The following MPPED1 variants were observed in gnomAD, a reference collection of about 807,000 sequenced individuals.
The protein encoded by MPPED1 is metallophosphoesterase domain-containing protein 1.
Under a neutral mutation model 36.2 loss-of-function variants are expected in MPPED1, and 16 were observed. The ratio of observed to expected loss-of-function variants is 0.44; its 90% CI spans 0.30 to 0.67. The LOEUF (loss-of-function observed/expected upper bound fraction) is 0.67. Among genes scored for constraint, MPPED1 ranks in the 30% least tolerant of loss-of-function variants. MPPED1 has a pLI of 0.10. For synonymous variants in MPPED1, 199 were observed against 191.3 expected, an observed-to-expected ratio of 1.04 and a Z score of -0.33; for missense variants, 307 against 453.4, an observed-to-expected ratio of 0.68 and a Z score of 2.93.
In MPPED1 at chr22:43,424,898, G is replaced by T. The variant is rs1233089715; in HGVS notation, c.-78-10G>T. 1.3e-6 allele frequency: 2 copies of T among 1,525,560 alleles called. No individual in the cohort carries two copies. Among genetic ancestry groups the T allele is most frequent in the Admixed American group, 2.0e-5 (1 of 50,142 alleles). 94.5% of individuals were successfully genotyped at this position (1,525,560 alleles called of 1,614,324 possible). ...ATTAACTGTCGCACGGTTCTGCTCC[G>T]TCTCCTCAGTCTGTTTCCAGGTCTG... On this transcript the variant is annotated splice_polypyrimidine_tract_variant and intron_variant, in intron 1 of 6. Transcript: ENST00000443721.
At chr22:43,446,382 A>T (rs200487467) in intron 3 of MPPED1, among the ~76,000 whole-genome samples, 1 of 152,108 alleles carries the variant, frequency 6.6e-6, no homozygotes, top group East Asian at 1.9e-4. Context: ...CTGTGGATAA[A>T]CAGCTGTCAT....
intron 3 of MPPED1, among the ~76,000 whole-genome samples, chr22:43,470,960 G>A (rs1305587207): frequency 2.6e-5 from 4 of 152,208 alleles, no homozygotes; most frequent in Admixed American, 1.3e-4. Context: ...TGTCACCCCA[G>A]CAGGTGGTGG....
chr22:43,481,246 G>T (rs1931739711), intron 4 of MPPED1, among the ~76,000 whole-genome samples: 1 of 152,082 alleles, frequency 6.6e-6, no homozygotes, highest in Non-Finnish European at 1.5e-5. Flanking sequence ...TTTCCACATG[G>T]ACACCCTCCT....
At chr22:43,453,201 C>T (rs1258967323) in intron 3 of MPPED1, among the ~76,000 whole-genome samples, 8 of 152,152 alleles carry the variant, frequency 5.3e-5, no homozygotes, top group African/African-American at 2.4e-5. Flanking sequence ...CTGCCCACTT[C>T]GGCCTCCCAA....
At chr22:43,481,682 C>A (rs1395713587) in intron 4 of MPPED1, among the ~76,000 whole-genome samples, 1 of 152,268 alleles carries the variant, frequency 6.6e-6, no homozygotes, top group South Asian at 2.1e-4. Context: ...CCTTCTTCCT[C>A]TTCCGTGCTG....
intron 4 of MPPED1, among the ~76,000 whole-genome samples, chr22:43,495,848 A>G (rs1206940424): frequency 0.099 from 225 of 2,268 alleles, no homozygotes; most frequent in East Asian, 0.18. Flanking sequence ...GGTGGTGGAG[A>G]TGGTGGTGGT....
chr22:43,460,325 G>T (rs1930914085), intron 3 of MPPED1, among the ~76,000 whole-genome samples: 1 of 122,814 alleles, frequency 8.1e-6, no homozygotes, highest in African/African-American at 3.0e-5. Flanking sequence ...TTATTTGTTT[G>T]TTTGTTGTTG....
chr22:43,445,152 C>T (rs1466870731), intron 3 of MPPED1, among the ~76,000 whole-genome samples: 1 of 152,214 alleles, frequency 6.6e-6, no homozygotes, highest in African/African-American at 2.4e-5. Flanking sequence ...TCTCATTCCA[C>T]TGGGAGTAAC....
At chr22:43,426,516 A>G (rs1210532254) in intron 2 of MPPED1, among the ~76,000 whole-genome samples, 3 of 152,118 alleles carry the variant, frequency 2.0e-5, no homozygotes, top group Non-Finnish European at 4.4e-5. Flanking sequence ...TGTGATCTCC[A>G]TCTTAGGGCA....
intron 2 of MPPED1, among the ~76,000 whole-genome samples, chr22:43,431,020 AATTT>A (rs1929660946): frequency 5.4e-5 from 3 of 55,764 alleles, no homozygotes; most frequent in African/African-American, 5.0e-5. Context: ...TGTTGTTGTT[AATTT>A]TTTTTTTTTT....
chr22:43,497,929 G>GTGTATATATATATATATA lies in MPPED1; in HGVS notation c.633-305_633-304insGTATATATATATATATAT, dbSNP rs1555904565. On this transcript the variant is annotated intron_variant, in intron 4 of 6. Transcript: ENST00000443721. ...CTTAGGAAGAAGCTGATATATATAT[G>GTGTATATATATATATATA]TATATGTATATATATATATGTATTT... is the stretch of plus-strand genomic sequence containing the variant. Among the ~76,000 whole-genome samples the GTGTATATATATATATATA allele has an allele frequency of 2.8e-3, 134 of 48,704 alleles. 6 individuals carry two copies. The highest frequency in any genetic ancestry group is 7.5e-3 in the African/African-American group (118 of 15,826). The allele number at this position is 48,704 out of a possible 152,430, so 32.0% of individuals were successfully genotyped here.
In MPPED1 at chr22:43,446,108, C is replaced by T. The variant is rs143688105; in HGVS notation, c.406+10893C>T. Among the ~76,000 whole-genome samples the T allele has an allele frequency of 4.7e-3, 713 of 152,128 alleles. 7 individuals carry two copies. Among genetic ancestry groups the T allele is most frequent in the Middle Eastern group, 0.01 (3 of 294 alleles). ...CTGGTCTCGAACTCCTGGGCTCAAGCGATCTGCCTGCCTTGGCCTCCCAAA... is the reference window on the plus strand; with the variant it reads ...CTGGTCTCGAACTCCTGGGCTCAAGTGATCTGCCTGCCTTGGCCTCCCAAA... On this transcript the variant is annotated intron_variant, in intron 3 of 6. Transcript: ENST00000443721.
intron 2 of MPPED1, among the ~76,000 whole-genome samples, chr22:43,427,008 T>G (rs4822289): frequency 0.39 from 58,859 of 152,060 alleles, 11,793 homozygotes; most frequent in Non-Finnish European, 0.44. Flanking sequence ...GCTGGTGAGG[T>G]TCATCCTCCA....
intron 2 of MPPED1, among the ~76,000 whole-genome samples, chr22:43,428,272 C>T (rs750733615): frequency 4.3e-4 from 66 of 152,226 alleles, no homozygotes; most frequent in African/African-American, 3.9e-4. Flanking sequence ...CCACCTCCGG[C>T]AGAGGGGAGA....
chr22:43,501,553 C>T (rs112035174), intron 5 of MPPED1, among the ~76,000 whole-genome samples: 5,947 of 152,300 alleles, frequency 0.039, 163 homozygotes, highest in East Asian at 0.076. Flanking sequence ...GCATCATCTC[C>T]GGACTGTGTG....
At position 43,465,927 on chromosome 22, in the gene MPPED1, T is replaced by C. The variant is rs1031348789; in HGVS notation, c.407-8809T>C. On this transcript the variant is annotated intron_variant, in intron 3 of 6. Transcript: ENST00000443721. ...ACCAGGGCCCTTTTGTGCACATCTCTGGGCACGTGTGTCCTTCCGGACTGC... is the reference window on the plus strand; with the variant it reads ...ACCAGGGCCCTTTTGTGCACATCTCCGGGCACGTGTGTCCTTCCGGACTGC... 5.3e-5 allele frequency among the ~76,000 whole-genome samples: 8 copies of C among 152,146 alleles called. No homozygotes were observed. In the East Asian group the frequency reaches 1.4e-3, roughly 26 times the overall value.
intron 4 of MPPED1, among the ~76,000 whole-genome samples, chr22:43,495,293 A>G (rs796290113): frequency 5.7e-3 from 307 of 53,436 alleles, no homozygotes; most frequent in Middle Eastern, 0.043. Context: ...GGAGGTGGTG[A>G]TGGAGGTGAT....
intron 4 of MPPED1, among the ~76,000 whole-genome samples, chr22:43,476,031 G>C (rs1346375584): frequency 1.0e-5 from 1 of 98,298 alleles, no homozygotes; most frequent in African/African-American, 3.7e-5. Context: ...TGATCATAAT[G>C]GTGAGGGTAG....
At chr22:43,414,665 T>C (rs1244214791) in intron 1 of MPPED1, among the ~76,000 whole-genome samples, 2 of 152,200 alleles carry the variant, frequency 1.3e-5, no homozygotes, top group African/African-American at 4.8e-5. Context: ...GTGGAATTTC[T>C]GCGTTATCCC....
Sources: allele counts gnomAD v4.1 joint callset (sites outside exome capture counted in the v4.1 genomes callset), GRCh38; gene constraint gnomAD v4.1.1; transcripts MANE v1.5; gene names NCBI Gene and HGNC (gene_info 2026-07-23, HGNC 2026-07-21).